The following CAMTA1 variants were observed in gnomAD, a reference collection of about 807,000 sequenced individuals.
CAMTA1 encodes the protein calmodulin-binding transcription activator 1.
A neutral mutation model predicts 170.9 loss-of-function variants in CAMTA1; 27 were observed. The observed-to-expected ratio is 0.16, with a 90% CI of 0.12 to 0.22. CAMTA1 has a LOEUF of 0.22. CAMTA1 is among the 10% of genes least tolerant of loss of function. The pLI is 1.00. For missense variants in CAMTA1, 1,619 were observed against 2,217.2 expected, an observed-to-expected ratio of 0.73 and a Z score of 5.42; for synonymous variants, 833 against 891.5, an observed-to-expected ratio of 0.93 and a Z score of 1.17.
intron 6 of CAMTA1, among the ~76,000 whole-genome samples, chr1:7,471,728 G>A (rs185556596): frequency 2.6e-5 from 4 of 152,376 alleles, no homozygotes; most frequent in African/African-American, 9.6e-5. Flanking sequence ...TGAGCCTCGT[G>A]AGGTAGAGGA....
At chr1:7,672,264 G>A (rs1576745369) in intron 10 of CAMTA1, among the ~76,000 whole-genome samples, 1 of 152,024 alleles carries the variant, frequency 6.6e-6, no homozygotes, top group South Asian at 2.1e-4. Context: ...GCAGGCCCCA[G>A]GGTGTTTCTA....
chr1:7,577,495 C>T (rs1041108971), intron 6 of CAMTA1, among the ~76,000 whole-genome samples: 15 of 152,130 alleles, frequency 9.9e-5, no homozygotes, highest in Non-Finnish European at 1.8e-4. Flanking sequence ...ACTCACCAGC[C>T]GGCCTGGAAG....
At chr1:7,237,098 G>A (rs1009667792) in intron 4 of CAMTA1, among the ~76,000 whole-genome samples, 1 of 152,198 alleles carries the variant, frequency 6.6e-6, no homozygotes, top group Non-Finnish European at 1.5e-5. Context: ...TAGGACCAAA[G>A]GCATTGGGAG....
intron 5 of CAMTA1, among the ~76,000 whole-genome samples, chr1:7,400,660 T>C (rs1331367321): frequency 1.3e-5 from 2 of 152,230 alleles, no homozygotes; most frequent in African/African-American, 4.8e-5. Flanking sequence ...TCTTCAGATA[T>C]GTCCTAGAGT....
chr1:7,353,271 T>C (rs1039271486), intron 5 of CAMTA1, among the ~76,000 whole-genome samples: 1 of 152,212 alleles, frequency 6.6e-6, no homozygotes, highest in African/African-American at 2.4e-5. Flanking sequence ...ATGCTGTCTC[T>C]ATACAGAGAA....
chr1:6,966,297 G>A (rs144941062), intron 3 of CAMTA1, among the ~76,000 whole-genome samples: 2 of 151,912 alleles, frequency 1.3e-5, no homozygotes, highest in South Asian at 2.1e-4. Flanking sequence ...TAGGACATTT[G>A]TGTTACCCCA....
chr1:6,868,666 A>G (rs1285827314), intron 3 of CAMTA1, among the ~76,000 whole-genome samples: 1 of 152,196 alleles, frequency 6.6e-6, no homozygotes, highest in Non-Finnish European at 1.5e-5. Flanking sequence ...GAAGATTTTT[A>G]ACATAGAATA....
At chr1:7,545,140 T>C (rs567345721) in intron 6 of CAMTA1, among the ~76,000 whole-genome samples, 2 of 152,240 alleles carry the variant, frequency 1.3e-5, no homozygotes, top group African/African-American at 4.8e-5. Context: ...TATGCCGTTA[T>C]TTTTGTTTCT....
intron 3 of CAMTA1, among the ~76,000 whole-genome samples, chr1:6,876,444 C>T (rs968133449): frequency 6.6e-6 from 1 of 151,730 alleles, no homozygotes; most frequent in African/African-American, 2.4e-5. Context: ...TCACTGCAAA[C>T]CTCCGCCTTC....
intron 3 of CAMTA1, among the ~76,000 whole-genome samples, chr1:7,012,998 T>A (rs1700029161): frequency 6.6e-6 from 1 of 152,008 alleles, no homozygotes; most frequent in Admixed American, 6.6e-5. Context: ...AACTTCATCC[T>A]GCTAGTGTCT....
At chr1:7,037,271 A>G (rs1304927817) in intron 3 of CAMTA1, among the ~76,000 whole-genome samples, 2 of 152,204 alleles carry the variant, frequency 1.3e-5, no homozygotes, top group Non-Finnish European at 2.9e-5. Context: ...CAGAGTTTAA[A>G]AACAGAAGTT....
At chr1:7,734,797 A>G (rs1357602499) in intron 12 of CAMTA1, among the ~76,000 whole-genome samples, 1 of 152,234 alleles carries the variant, frequency 6.6e-6, no homozygotes, top group Non-Finnish European at 1.5e-5. Flanking sequence ...GAGGAGCCAT[A>G]GTATTTCTGT....
intron 6 of CAMTA1, among the ~76,000 whole-genome samples, chr1:7,636,090 T>G (rs2095710012): frequency 6.6e-6 from 1 of 152,166 alleles, no homozygotes. Flanking sequence ...TGGGACACTC[T>G]GCTAATTGTA....
At chr1:7,751,460 T>A in intron 20 of CAMTA1, 68 bp downstream of exon 20, 2 of 1,395,718 alleles carry the variant, frequency 1.4e-6, no homozygotes, top group Non-Finnish European at 1.9e-6. Context: ...TTTGAAAGAC[T>A]TGTCCTGGGC....
chr1:7,600,219 T>C (rs973804841), intron 6 of CAMTA1, among the ~76,000 whole-genome samples: 2 of 152,320 alleles, frequency 1.3e-5, no homozygotes, highest in Middle Eastern at 3.4e-3. Flanking sequence ...TTGTCGTTGG[T>C]TCTGTTTATG....
In CAMTA1 at chr1:7,249,394, C is replaced by A; in HGVS notation, c.303-97C>A. On this transcript the variant is annotated intron_variant, in intron 4 of 22. Transcript: ENST00000303635. The surrounding 1 kb of genome is among the most constrained non-coding windows in gnomAD (Gnocchi z 4.4). Reference sequence around the variant, plus strand: ...ATGTTCCAGCAAATGTGGAATATTGCTTTTCTGTAGAGACTTTTACTGGTC... The same window carrying A: ...ATGTTCCAGCAAATGTGGAATATTGATTTTCTGTAGAGACTTTTACTGGTC... 1 of 1,169,372 alleles carries A rather than the reference C, an allele frequency of 8.6e-7. No homozygotes were observed. The highest frequency in any genetic ancestry group is 1.2e-6 in the Non-Finnish European group (1 of 832,680). 72.4% of individuals were successfully genotyped at this position (1,169,372 alleles called of 1,614,324 possible).
At chr1:7,011,246 C>T (rs949603294) in intron 3 of CAMTA1, among the ~76,000 whole-genome samples, 2 of 152,118 alleles carry the variant, frequency 1.3e-5, no homozygotes, top group African/African-American at 2.4e-5. Flanking sequence ...CTCTTTTCGC[C>T]GAGACTGGAG....
intron 4 of CAMTA1, among the ~76,000 whole-genome samples, chr1:7,233,023 T>C (rs534884549): frequency 2.0e-5 from 3 of 150,932 alleles, no homozygotes; most frequent in Non-Finnish European, 4.4e-5. Flanking sequence ...ATAGGAATAA[T>C]TGGACCAGAA....
At chr1:7,381,813 C>T (rs2087365587) in intron 5 of CAMTA1, among the ~76,000 whole-genome samples, 1 of 148,830 alleles carries the variant, frequency 6.7e-6, no homozygotes, top group African/African-American at 2.5e-5. Flanking sequence ...CTCTCCAGCA[C>T]CTGTTGTTTC....
Sources: gnomAD v4.1 joint callset for allele counts (sites outside exome capture counted in the v4.1 genomes callset) on GRCh38, gnomAD v4.1.1 for gene constraint, Gnocchi (gnomAD v3.1) non-coding constraint, MANE v1.5 for transcripts, NCBI Gene and HGNC (gene_info 2026-07-23, HGNC 2026-07-21) for gene names.